HHAT: variants seen among roughly 807,000 people sequenced by gnomAD.
The protein encoded by HHAT is hedgehog acyltransferase.
HHAT carries 47 observed loss-of-function variants against 70.8 expected under a neutral mutation model. That is an observed-to-expected ratio of 0.66 (90% confidence interval 0.53 to 0.85). HHAT has a LOEUF of 0.85. Among genes scored for constraint, HHAT ranks in the 40% least tolerant of loss-of-function variants. The pLI is 0.00. For synonymous variants in HHAT, 228 were observed against 247.6 expected (o/e 0.92, Z 0.74); for missense variants, 609 against 604.8 (o/e 1.01, Z -0.07).
chr1:210,481,048 T>C (rs2094388261), intron 8 of HHAT, among the ~76,000 whole-genome samples: 1 of 152,056 alleles, frequency 6.6e-6, no homozygotes. Flanking sequence ...GACAGATAAT[T>C]AACAAACCTA....
chr1:210,401,614 G>T (rs1182391782), intron 5 of HHAT, among the ~76,000 whole-genome samples: 2 of 152,094 alleles, frequency 1.3e-5, no homozygotes, highest in Admixed American at 6.5e-5. Flanking sequence ...ACTTCTTTAG[G>T]GCTTTTGTTT....
rs190869140 is a variant in HHAT, at chr1:210,537,404, G to A, written c.1043+24216G>A. Among the ~76,000 whole-genome samples the A allele has an allele frequency of 6.6e-5, 10 of 152,244 alleles. No homozygotes were observed. In the East Asian group the frequency reaches 1.5e-3, roughly 24 times the overall value. Reference sequence around the variant, plus strand: ...TGTCATTGTTGCATTCCGTCCCAGCGCAATTATTGTATCCCTCTTCTCACT... The same window carrying A: ...TGTCATTGTTGCATTCCGTCCCAGCACAATTATTGTATCCCTCTTCTCACT... On this transcript the variant is annotated intron_variant, in intron 9 of 11. Coordinates refer to ENST00000261458, the MANE Select transcript of HHAT (RefSeq NM_018194.6).
chr1:210,430,975 C>T (rs957353803), intron 7 of HHAT, among the ~76,000 whole-genome samples: 1 of 151,866 alleles, frequency 6.6e-6, no homozygotes, highest in Non-Finnish European at 1.5e-5. Context: ...GGTAATTCTA[C>T]ATCTGCAATC....
intron 10 of HHAT, among the ~76,000 whole-genome samples, chr1:210,623,304 G>A (rs1669222083): frequency 1.3e-5 from 2 of 152,090 alleles, no homozygotes; most frequent in Admixed American, 1.3e-4. Context: ...GAACTCCTGG[G>A]CCCAAGTGAT....
At chr1:210,345,788 T>A (rs1254673882) in intron 1 of HHAT, among the ~76,000 whole-genome samples, 3 of 152,204 alleles carry the variant, frequency 2.0e-5, no homozygotes, top group African/African-American at 7.2e-5. Flanking sequence ...ACAATCCAGC[T>A]AAGAGCAGCA....
intron 7 of HHAT, among the ~76,000 whole-genome samples, chr1:210,446,971 A>C (rs2093647531): frequency 1.3e-5 from 2 of 152,340 alleles, no homozygotes; most frequent in African/African-American, 4.8e-5. Flanking sequence ...TGCCTAAAAC[A>C]ATAGATAGCT....
intron 6 of HHAT, among the ~76,000 whole-genome samples, chr1:210,416,520 A>G (rs1221495282): frequency 1.3e-5 from 2 of 152,242 alleles, no homozygotes; most frequent in Non-Finnish European, 2.9e-5. Context: ...AATTCACTTC[A>G]AATTTTCCAG....
At chr1:210,660,761 C>G (rs891989486) in intron 11 of HHAT, among the ~76,000 whole-genome samples, 2 of 152,118 alleles carry the variant, frequency 1.3e-5, no homozygotes, top group Non-Finnish European at 2.9e-5. Flanking sequence ...AATAACACCA[C>G]ACATCTATAA....
intron 11 of HHAT, among the ~76,000 whole-genome samples, chr1:210,655,298 C>T (rs1212696055): frequency 1.3e-5 from 2 of 152,188 alleles, no homozygotes; most frequent in Non-Finnish European, 2.9e-5. Context: ...TAGTGATTGT[C>T]GCAATCACTG....
At chr1:210,492,593 G>A (rs938213913) in intron 8 of HHAT, among the ~76,000 whole-genome samples, 16 of 152,162 alleles carry the variant, frequency 1.1e-4, no homozygotes, top group Non-Finnish European at 1.8e-4. Context: ...CCCATGCTCT[G>A]TGAAAGAAGT....
At chr1:210,473,201 C>A (rs1317602788) in intron 8 of HHAT, among the ~76,000 whole-genome samples, 3 of 152,130 alleles carry the variant, frequency 2.0e-5, no homozygotes, top group African/African-American at 7.2e-5. Flanking sequence ...TCTTTCAGGG[C>A]CTGCTATCTG....
intron 3 of HHAT, among the ~76,000 whole-genome samples, chr1:210,365,498 A>G (rs2088854837): frequency 6.6e-6 from 1 of 151,710 alleles, no homozygotes; most frequent in South Asian, 2.1e-4. Flanking sequence ...TTTTATTTTT[A>G]GTAGAGATGG....
intron 9 of HHAT, among the ~76,000 whole-genome samples, chr1:210,548,235 C>G (rs915911040): frequency 6.6e-6 from 1 of 152,168 alleles, no homozygotes; most frequent in Non-Finnish European, 1.5e-5. Flanking sequence ...ACCCAATTAC[C>G]AAGGCTGAGC....
chr1:210,470,784 A>G (rs2094190863), intron 8 of HHAT, among the ~76,000 whole-genome samples: 1 of 152,190 alleles, frequency 6.6e-6, no homozygotes, highest in Non-Finnish European at 1.5e-5. Flanking sequence ...GTTTGAGGCC[A>G]CAGATCTAGA....
At chr1:210,411,450 C>A (rs2092550668) in intron 6 of HHAT, among the ~76,000 whole-genome samples, 1 of 152,172 alleles carries the variant, frequency 6.6e-6, no homozygotes, top group African/African-American at 2.4e-5. Flanking sequence ...AGAAGACTTG[C>A]TTCTCTCCAA....
At chr1:210,618,203 G>T (rs1668130493) in intron 10 of HHAT, among the ~76,000 whole-genome samples, 2 of 152,168 alleles carry the variant, frequency 1.3e-5, no homozygotes, top group South Asian at 4.1e-4. Context: ...GCCTTGGAAT[G>T]ACTTTGGAAT....
chr1:210,400,153 A>G (rs888344095), intron 4 of HHAT, among the ~76,000 whole-genome samples: 1 of 152,060 alleles, frequency 6.6e-6, no homozygotes, highest in Non-Finnish European at 1.5e-5. Flanking sequence ...TCTGTTGAAA[A>G]GTCAATCCAA....
At chr1:210,447,596 T>C (rs962897762) in intron 7 of HHAT, among the ~76,000 whole-genome samples, 1 of 152,202 alleles carries the variant, frequency 6.6e-6, no homozygotes, top group Admixed American at 6.5e-5. Flanking sequence ...TGAGGAAAGA[T>C]GTCCTGGTTC....
At chr1:210,464,376 T>C in intron 7 of HHAT, 129 bp from the exon 8 acceptor site, 2 of 844,948 alleles carry the variant, frequency 2.4e-6, no homozygotes, top group South Asian at 3.2e-5. Context: ...TTGTGAAATG[T>C]GCGAGTTGAA....
Sources: allele counts gnomAD v4.1 joint callset (sites outside exome capture counted in the v4.1 genomes callset), GRCh38; gene constraint gnomAD v4.1.1; transcripts MANE v1.5; gene names NCBI Gene and HGNC (gene_info 2026-07-23, HGNC 2026-07-21).